Variants in KIF1B observed in about 807,000 individuals in gnomAD.
KIF1B encodes kinesin-like protein KIF1B.
In KIF1B, 76 loss-of-function variants were observed where a neutral mutation model predicts 241.9. The ratio of observed to expected loss-of-function variants is 0.31; its 90% CI spans 0.26 to 0.38. The LOEUF is 0.38. Ranked by LOEUF, KIF1B falls within the 10% of genes least tolerant of loss-of-function variation. The probability of loss-of-function intolerance (pLI) is 1.00; values close to 1 mark genes in which losing one functional copy is unlikely to be tolerated. For synonymous variants in KIF1B, 750 were observed against 796.7 expected (o/e 0.94, Z 0.99); for missense variants, 1,622 against 2,271.4 (o/e 0.71, Z 5.81).
intron 22 of KIF1B, among the ~76,000 whole-genome samples, chr1:10,315,100 G>A (rs1328232399): frequency 6.9e-6 from 1 of 145,130 alleles, no homozygotes; most frequent in African/African-American, 2.6e-5. Context: ...CCTGAATTAT[G>A]TGAAAATTAT....
intron 32 of KIF1B, among the ~76,000 whole-genome samples, chr1:10,340,368 G>C (rs1489755079): frequency 2.0e-5 from 3 of 152,066 alleles, no homozygotes; most frequent in Non-Finnish European, 2.9e-5. Context: ...CCTCTCTTAC[G>C]TGAAATTTCA....
rs111851835 is a variant in KIF1B, at chr1:10,282,990, G to A, written c.1434+457G>A. On this transcript the variant is annotated intron_variant, in intron 15 of 48. Transcript: ENST00000676179. Reference sequence around the variant, plus strand: ...GGGAGGCCGAGGCGGGGTGGATCACGAGGTCAGGAGATCAAGACCATCCTG... The same window carrying A: ...GGGAGGCCGAGGCGGGGTGGATCACAAGGTCAGGAGATCAAGACCATCCTG... Among the ~76,000 whole-genome samples, 412 of 152,042 alleles carry A rather than the reference G, an allele frequency of 2.7e-3. 1 individual carries two copies. The highest frequency in any genetic ancestry group is 4.3e-3 in the Admixed American group (66 of 15,260).
chr1:10,314,024 G>C lies in KIF1B; in HGVS notation c.2116-6019G>C, dbSNP rs570623042. On this transcript the variant is annotated intron_variant, in intron 22 of 48. Coordinates refer to ENST00000676179, the MANE Select transcript of KIF1B (RefSeq NM_001365951.3). ...GTTCTCCTGCTCAGCCTTCCGAGTA[G>C]CTGGGATTACGGCATGTGCCACCAT... Among the ~76,000 whole-genome samples the C allele has an allele frequency of 2.8e-4, 43 of 151,264 alleles. 1 individual carries two copies. The highest frequency in any genetic ancestry group is 4.9e-4 in the Non-Finnish European group (33 of 67,984).
intron 2 of KIF1B, among the ~76,000 whole-genome samples, chr1:10,244,637 G>C (rs1341811047): frequency 7.5e-6 from 1 of 133,798 alleles, no homozygotes; most frequent in Admixed American, 7.7e-5. Flanking sequence ...TTTTGAGACG[G>C]AGTCTTGCTC....
intron 2 of KIF1B, among the ~76,000 whole-genome samples, chr1:10,237,619 A>G (rs1020072513): frequency 6.6e-6 from 1 of 151,808 alleles, no homozygotes; most frequent in East Asian, 1.9e-4. Context: ...TACTCATATT[A>G]TATGTCTTAT....
rs953700752 is a variant in KIF1B at position 10,314,988 on chromosome 1, TATA to T, written c.2116-5054_2116-5052del. On this transcript the variant is annotated intron_variant, in intron 22 of 48. Transcript: ENST00000676179. ...TTTGCTATAATAATTCCATGTAATGTATAGTTTTTCCCCGACTCCCCAGCTTTT... is the reference window on the plus strand; with the variant it reads ...TTTGCTATAATAATTCCATGTAATGTGTTTTTCCCCGACTCCCCAGCTTTT... 4.6e-5 allele frequency among the ~76,000 whole-genome samples: 7 copies of T among 151,070 alleles called. 1 individual carries two copies. The highest frequency in any genetic ancestry group is 1.7e-4 in the African/African-American group (7 of 40,494).
rs184232081 is a variant in KIF1B at position 10,379,482 on chromosome 1, G to T, written c.*2895G>T. On this transcript the variant is annotated 3_prime_UTR_variant, in exon 49 of 49. Coordinates refer to ENST00000676179, the MANE Select transcript of KIF1B (RefSeq NM_001365951.3). ...GTCCAGGGTGGGTGCTCCCTTGCCCGACAGAACCATCCCCACTGTGAGGCT... is the reference window on the plus strand; with the variant it reads ...GTCCAGGGTGGGTGCTCCCTTGCCCTACAGAACCATCCCCACTGTGAGGCT... The T allele has an allele frequency of 8.6e-6, 2 of 231,742 alleles. No individual in the cohort carries two copies. The highest frequency in any genetic ancestry group is 4.4e-5 in the African/African-American group (2 of 45,270). The allele number at this position is 231,742 out of a possible 1,614,324, so 14.4% of individuals were successfully genotyped here.
chr1:10,247,951 T>C (rs1457666820), intron 2 of KIF1B, among the ~76,000 whole-genome samples: 1 of 152,130 alleles, frequency 6.6e-6, no homozygotes. Context: ...CAGTTCACAA[T>C]AGGATTCATG....
At chr1:10,344,705 A>T (rs1034187385) in intron 34 of KIF1B, 1 of 152,198 alleles carries the variant, frequency 6.6e-6, no homozygotes, top group Non-Finnish European at 1.5e-5. Context: ...AATACTGCTG[A>T]TAGGGTACAC....
intron 44 of KIF1B, 133 bp from the exon 45 acceptor site, chr1:10,371,008 G>T: frequency 9.8e-7 from 1 of 1,023,866 alleles, no homozygotes; most frequent in South Asian, 1.3e-5. Context: ...TTATGTATAG[G>T]CTTGTTTTCT....
At chr1:10,322,851 A>G (rs1651576835) in intron 24 of KIF1B, among the ~76,000 whole-genome samples, 1 of 152,240 alleles carries the variant, frequency 6.6e-6, no homozygotes, top group South Asian at 2.1e-4. Flanking sequence ...TGGTGAAACT[A>G]TAACGTGGTA....
intron 22 of KIF1B, chr1:10,304,551 C>T: frequency 1.9e-6 from 3 of 1,614,040 alleles, no homozygotes; most frequent in Non-Finnish European, 2.5e-6. Context: ...AGCAGACTGA[C>T]AAACCCAGCC....
chr1:10,251,831 G>A (rs943852357), intron 2 of KIF1B, among the ~76,000 whole-genome samples: 5 of 152,084 alleles, frequency 3.3e-5, no homozygotes, highest in Non-Finnish European at 7.4e-5. Context: ...GGCTAGGAGT[G>A]TTTATTATAA....
At chr1:10,295,889 G>A in intron 19 of KIF1B, 123 bp downstream of exon 19, 1 of 855,174 alleles carries the variant, frequency 1.2e-6, no homozygotes, top group Non-Finnish European at 1.9e-6. Flanking sequence ...TCTGAAAAAT[G>A]GAGAGACCTG....
intron 1 of KIF1B, among the ~76,000 whole-genome samples, chr1:10,214,506 T>G (rs1646736748): frequency 6.6e-6 from 1 of 150,782 alleles, no homozygotes; most frequent in Admixed American, 6.6e-5. Context: ...GCCAGGCAGG[T>G]CTCGAACTCC....
At chr1:10,225,677 T>C (rs1164437245) in intron 1 of KIF1B, among the ~76,000 whole-genome samples, 1 of 152,048 alleles carries the variant, frequency 6.6e-6, no homozygotes, top group Non-Finnish European at 1.5e-5. Flanking sequence ...AAAGGGAAAG[T>C]TGGAGCAAAA....
chr1:10,330,638 T>C (rs12139981), intron 27 of KIF1B, among the ~76,000 whole-genome samples: 54,307 of 152,008 alleles, frequency 0.36, 9,843 homozygotes, highest in Admixed American at 0.39. Flanking sequence ...GCTTCTGTTA[T>C]AACCCATTTT....
rs1490828741 is a variant in KIF1B at position 10,348,853 on chromosome 1, G to T, written c.3949+120G>T. ...TACAGTGATGAGATCATAGCTCCCTGTAGCCTCAAACTCCTGGGCTCAAGC... is the reference window on the plus strand; with the variant it reads ...TACAGTGATGAGATCATAGCTCCCTTTAGCCTCAAACTCCTGGGCTCAAGC... On this transcript the variant is annotated intron_variant, in intron 37 of 48. Coordinates refer to ENST00000676179, the MANE Select transcript of KIF1B (RefSeq NM_001365951.3). 4 of 760,174 alleles carry T rather than the reference G, an allele frequency of 5.3e-6. No individual in the cohort carries two copies. In the African/African-American group the frequency reaches 7.0e-5, roughly 13 times the overall value. 47.1% of individuals were successfully genotyped at this position (760,174 alleles called of 1,614,324 possible).
intron 27 of KIF1B, 25 bp from the exon 28 acceptor site, chr1:10,334,495 T>C (rs1457484910): frequency 6.5e-7 from 1 of 1,529,358 alleles, no homozygotes; most frequent in African/African-American, 1.4e-5. Flanking sequence ...TGTTCTGACA[T>C]TTGTCTCCTG....
Sources: gnomAD v4.1 joint callset for allele counts (sites outside exome capture counted in the v4.1 genomes callset) on GRCh38, gnomAD v4.1.1 for gene constraint, MANE v1.5 for transcripts, NCBI Gene and HGNC (gene_info 2026-07-23, HGNC 2026-07-21) for gene names.